Variants in LHFPL3 observed in about 807,000 individuals in gnomAD.
LHFPL3 encodes LHFPL tetraspan subfamily member 3.
In LHFPL3, 5 loss-of-function variants were observed where a neutral mutation model predicts 19.3. The observed-to-expected ratio is 0.26, with a 90% CI of 0.14 to 0.54. The LOEUF (loss-of-function observed/expected upper bound fraction) is 0.54. LHFPL3 is among the 20% of genes least tolerant of loss of function. The pLI, the probability that LHFPL3 is intolerant of heterozygous loss-of-function variation, is 0.94. For synonymous variants in LHFPL3, 133 were observed against 126.2 expected (o/e 1.05, Z -0.36); for missense variants, 249 against 307.4 (o/e 0.81, Z 1.42).
intron 1 of LHFPL3, among the ~76,000 whole-genome samples, chr7:104,393,665 G>A (rs999492154): frequency 6.6e-6 from 1 of 152,016 alleles, no homozygotes; most frequent in South Asian, 2.1e-4. Context: ...GCAGTGAGCC[G>A]AGACCATGCC....
At chr7:104,374,434 G>T (rs1790671083) in intron 1 of LHFPL3, among the ~76,000 whole-genome samples, 1 of 152,084 alleles carries the variant, frequency 6.6e-6, no homozygotes, top group African/African-American at 2.4e-5. Context: ...TAGAGACGGG[G>T]TTTCACCGTG....
At chr7:104,357,127 G>T (rs1167193025) in intron 1 of LHFPL3, among the ~76,000 whole-genome samples, 2 of 152,232 alleles carry the variant, frequency 1.3e-5, no homozygotes, top group African/African-American at 2.4e-5. Flanking sequence ...ATGCTAGGTT[G>T]TTACTCCAGA....
intron 1 of LHFPL3, among the ~76,000 whole-genome samples, chr7:104,588,632 AG>A (rs764213795): frequency 6.6e-6 from 1 of 152,168 alleles, no homozygotes; most frequent in African/African-American, 2.4e-5. Flanking sequence ...ACTTTAAAGT[AG>A]TTTTTTCCAA....
intron 2 of LHFPL3, among the ~76,000 whole-genome samples, chr7:104,805,354 A>G (rs983982456): frequency 9.2e-5 from 14 of 152,222 alleles, no homozygotes; most frequent in African/African-American, 3.4e-4. Context: ...GGACCCCAAA[A>G]TAATTGCTTC....
At chr7:104,733,200 G>A (rs1793737664) in intron 1 of LHFPL3, among the ~76,000 whole-genome samples, 1 of 152,226 alleles carries the variant, frequency 6.6e-6, no homozygotes, top group African/African-American at 2.4e-5. Context: ...TGTATATGCT[G>A]TTGATTTGGG....
intron 1 of LHFPL3, among the ~76,000 whole-genome samples, chr7:104,531,068 T>C (rs1357954216): frequency 6.6e-6 from 1 of 152,242 alleles, no homozygotes; most frequent in African/African-American, 2.4e-5. Context: ...ATAGTTCCGT[T>C]GCAAAGGCTA....
intron 1 of LHFPL3, among the ~76,000 whole-genome samples, chr7:104,703,961 A>G (rs1347049651): frequency 6.6e-6 from 1 of 152,200 alleles, no homozygotes; most frequent in African/African-American, 2.4e-5. Context: ...ATATCACAAT[A>G]AACAGTGTCT....
At chr7:104,747,630 G>C (rs916367490) in intron 2 of LHFPL3, among the ~76,000 whole-genome samples, 2 of 151,998 alleles carry the variant, frequency 1.3e-5, no homozygotes, top group Non-Finnish European at 1.5e-5. Context: ...ATAAATCTTG[G>C]GAGACTATTC....
intron 1 of LHFPL3, among the ~76,000 whole-genome samples, chr7:104,504,760 C>G (rs552237419): frequency 6.6e-6 from 1 of 152,122 alleles, no homozygotes; most frequent in Admixed American, 6.5e-5. Flanking sequence ...GTTTGTGATA[C>G]CATTAAAACC....
chr7:104,652,603 A>C (rs912229934), intron 1 of LHFPL3, among the ~76,000 whole-genome samples: 2 of 152,072 alleles, frequency 1.3e-5, no homozygotes, highest in Admixed American at 1.3e-4. Context: ...TAAGCACTGC[A>C]AAGAGGCCAC....
At chr7:104,865,475 G>A (rs1455458360) in intron 2 of LHFPL3, among the ~76,000 whole-genome samples, 1 of 152,208 alleles carries the variant, frequency 6.6e-6, no homozygotes, top group Non-Finnish European at 1.5e-5. Context: ...AAGGGTATCA[G>A]TGATGGAAGA....
chr7:104,721,331 T>A (rs562995920), intron 1 of LHFPL3, among the ~76,000 whole-genome samples: 1 of 152,204 alleles, frequency 6.6e-6, no homozygotes, highest in East Asian at 1.9e-4. Flanking sequence ...AGGTGGGAAC[T>A]GAACAATGAG....
At chr7:104,725,983 T>G (rs1442370687) in intron 1 of LHFPL3, among the ~76,000 whole-genome samples, 1 of 144,430 alleles carries the variant, frequency 6.9e-6, no homozygotes, top group Non-Finnish European at 1.5e-5. Context: ...ACCCGGGAGG[T>G]AGAGGTTGCA....
At chr7:104,595,521 G>A (rs1269266821) in intron 1 of LHFPL3, among the ~76,000 whole-genome samples, 2 of 152,224 alleles carry the variant, frequency 1.3e-5, no homozygotes, top group African/African-American at 4.8e-5. Flanking sequence ...AGGGGTCAGG[G>A]ACCCACTTGA....
chr7:104,669,119 C>T, intron 1 of LHFPL3: 5 of 1,612,918 alleles, frequency 3.1e-6, no homozygotes, highest in Non-Finnish European at 4.2e-6. Context: ...TGCCACTCTC[C>T]AACTTCTAAA....
At chr7:104,383,207 G>T (rs1023778663) in intron 1 of LHFPL3, among the ~76,000 whole-genome samples, 10 of 152,146 alleles carry the variant, frequency 6.6e-5, no homozygotes, top group Non-Finnish European at 1.5e-4. Flanking sequence ...TATGAATTAT[G>T]CATGTTTTAG....
intron 1 of LHFPL3, among the ~76,000 whole-genome samples, chr7:104,370,559 A>G (rs1445748624): frequency 6.6e-6 from 1 of 152,174 alleles, no homozygotes; most frequent in African/African-American, 2.4e-5. Context: ...TAACGTGCAC[A>G]GGTAGGTGCT....
intron 1 of LHFPL3, among the ~76,000 whole-genome samples, chr7:104,354,849 A>G (rs1269986868): frequency 6.6e-6 from 1 of 152,182 alleles, no homozygotes; most frequent in Non-Finnish European, 1.5e-5. Flanking sequence ...TTTCAATAAT[A>G]TATCTTAATA....
intron 1 of LHFPL3, among the ~76,000 whole-genome samples, chr7:104,688,704 G>C (rs1465615751): frequency 6.6e-6 from 1 of 152,130 alleles, no homozygotes; most frequent in Non-Finnish European, 1.5e-5. Context: ...AAGACAAGCT[G>C]ATTCTCCTCA....
Sources: gnomAD v4.1 joint callset for allele counts (sites outside exome capture counted in the v4.1 genomes callset) on GRCh38, gnomAD v4.1.1 for gene constraint, MANE v1.5 for transcripts, NCBI Gene and HGNC (gene_info 2026-07-23, HGNC 2026-07-21) for gene names.